Variants in ADPRHL1 observed in about 807,000 individuals in gnomAD.
The protein encoded by ADPRHL1 is ADP-ribosylhydrolase like 1.
In ADPRHL1, 43 loss-of-function variants were observed where a neutral mutation model predicts 44.1. The observed-to-expected ratio is 0.98, with a 90% CI of 0.76 to 1.26. The LOEUF is 1.26. Among genes scored for constraint, ADPRHL1 ranks in the 50% most tolerant of loss-of-function variants. The probability of loss-of-function intolerance (pLI) is 0.00; values close to 1 mark genes in which losing one functional copy is unlikely to be tolerated. For synonymous variants in ADPRHL1, 878 were observed against 1,017.4 expected (o/e 0.86, Z 2.61); for missense variants, 2,022 against 2,496.9 (o/e 0.81, Z 4.05).
intron 1 of ADPRHL1, among the ~76,000 whole-genome samples, chr13:113,445,483 A>G (rs1256581048): frequency 6.6e-6 from 1 of 152,144 alleles, no homozygotes; most frequent in Non-Finnish European, 1.5e-5. Context: ...GCCCCTCCCA[A>G]CGGCCACTTT....
At chr13:113,430,378 C>G (rs780648053) in intron 3 of ADPRHL1, among the ~76,000 whole-genome samples, 6 of 152,214 alleles carry the variant, frequency 3.9e-5, no homozygotes, top group Non-Finnish European at 7.3e-5. Flanking sequence ...TGCTAGCCAT[C>G]GTGGGGACTG....
At chr13:113,437,957 A>C (rs1000043345) in intron 2 of ADPRHL1, among the ~76,000 whole-genome samples, 1 of 152,144 alleles carries the variant, frequency 6.6e-6, no homozygotes, top group Non-Finnish European at 1.5e-5. Context: ...CAGCCTCCTG[A>C]GTAGCTGGGA....
Position 113,403,050 on chromosome 13 carries a change from A to G in ADPRHL1, c.*328T>C, listed in dbSNP as rs1430679419. The stretch of plus-strand genomic sequence containing the variant: ...GACGCACACACCGTGCCACTGCGGG[A>G]GGTGTGAGCTCCACGCTGCAGGCTG... On this transcript the variant is annotated 3_prime_UTR_variant, in exon 8 of 8. Transcript: ENST00000612156. 9.9e-6 allele frequency: 2 copies of G among 201,300 alleles called. No individual in the cohort carries two copies. Among genetic ancestry groups the G allele is most frequent in the Non-Finnish European group, 9.9e-6 (1 of 100,978 alleles). 12.5% of individuals were successfully genotyped at this position (201,300 alleles called of 1,614,324 possible). A position where few individuals can be genotyped will look rare whatever the true frequency, so the allele number is the denominator to read the frequency against.
intron 1 of ADPRHL1, among the ~76,000 whole-genome samples, chr13:113,447,946 A>G (rs1477830083): frequency 6.6e-6 from 1 of 152,306 alleles, no homozygotes; most frequent in South Asian, 2.1e-4. Flanking sequence ...GAGTCCCCTA[A>G]AAGGATTCAT....
intron 7 of ADPRHL1, among the ~76,000 whole-genome samples, chr13:113,417,220 G>C (rs951227935): frequency 6.6e-6 from 1 of 152,186 alleles, no homozygotes; most frequent in Non-Finnish European, 1.5e-5. Context: ...ACAAGACAAG[G>C]CTGTCCCCCC....
intron 7 of ADPRHL1, among the ~76,000 whole-genome samples, chr13:113,413,652 G>A (rs971636035): frequency 3.3e-5 from 5 of 152,326 alleles, no homozygotes; most frequent in South Asian, 2.1e-4. Context: ...CTGCCCCTTG[G>A]GCCGTCAGCC....
chr13:113,403,348 C>T lies in ADPRHL1; in HGVS notation c.*30G>A. 1 of 1,231,822 alleles carries T rather than the reference C, an allele frequency of 8.1e-7. No homozygotes were observed. Among genetic ancestry groups the T allele is most frequent in the Non-Finnish European group, 1.0e-6 (1 of 987,856 alleles). 76.3% of individuals were successfully genotyped at this position (1,231,822 alleles called of 1,614,324 possible). ...CCCTCAATGGGCGGATGTCACAGTG[C>T]TGGGCGAGCCACGGTGTGTACTCGG... is the stretch of plus-strand genomic sequence containing the variant. On this transcript the variant is annotated 3_prime_UTR_variant, in exon 8 of 8. Transcript: ENST00000612156.
At chr13:113,419,183 G>A (rs761437214) in intron 7 of ADPRHL1, among the ~76,000 whole-genome samples, 5 of 138,148 alleles carry the variant, frequency 3.6e-5, no homozygotes, top group African/African-American at 1.4e-4. Context: ...CTCACCTCAC[G>A]GCAACCTCAA....
intron 7 of ADPRHL1, among the ~76,000 whole-genome samples, chr13:113,415,295 C>G (rs572537716): frequency 6.6e-6 from 1 of 152,306 alleles, no homozygotes; most frequent in East Asian, 1.9e-4. Context: ...GGTCCCCAAG[C>G]AGAGTGTGGA....
At chr13:113,412,695 C>G (rs112934265) in intron 7 of ADPRHL1, among the ~76,000 whole-genome samples, 1 of 151,102 alleles carries the variant, frequency 6.6e-6, no homozygotes, top group Non-Finnish European at 1.5e-5. Context: ...GTTCACCCAC[C>G]GCCAACAGTG....
intron 1 of ADPRHL1, among the ~76,000 whole-genome samples, chr13:113,450,958 C>CT (rs886888308): frequency 6.6e-6 from 1 of 151,560 alleles, no homozygotes; most frequent in African/African-American, 2.4e-5. Flanking sequence ...GGAGACCCCC[C>CT]CCCCCTTCCT....
chr13:113,419,130 A>T, intron 7 of ADPRHL1, among the ~76,000 whole-genome samples: 2 of 13,226 alleles, frequency 1.5e-4, no homozygotes, highest in African/African-American at 2.8e-4. Context: ...TTTTTTTTTC[A>T]GGGTCTTACT....
At chr13:113,452,911 GA>G (rs1270412171) in intron 1 of ADPRHL1, among the ~76,000 whole-genome samples, 1 of 152,186 alleles carries the variant, frequency 6.6e-6, no homozygotes, top group African/African-American at 2.4e-5. Context: ...AACTCTATTA[GA>G]AACAGAAGGT....
chr13:113,425,684 CTTT>C (rs66812194), intron 4 of ADPRHL1, among the ~76,000 whole-genome samples: 3 of 133,884 alleles, frequency 2.2e-5, no homozygotes, highest in Admixed American at 1.5e-4. Context: ...TTTTTTCTTT[CTTT>C]TTTTTTTTTT....
chr13:113,425,523 C>T (rs575673709), intron 4 of ADPRHL1, among the ~76,000 whole-genome samples: 37 of 152,230 alleles, frequency 2.4e-4, no homozygotes, highest in Admixed American at 2.1e-3. Flanking sequence ...AGCTGCCCAC[C>T]ACCACACCCG....
rs2043757987 is a variant in ADPRHL1 at position 113,401,071 on chromosome 13, A to G, written c.*2307T>C. 1 of 152,158 alleles carries G rather than the reference A, an allele frequency of 6.6e-6. No individual in the cohort carries two copies. The highest frequency in any genetic ancestry group is 2.1e-4 in the South Asian group (1 of 4,828). The allele number at this position is 152,158 out of a possible 1,614,324, so 9.4% of individuals were successfully genotyped here. A position where few individuals can be genotyped will look rare whatever the true frequency, so the allele number is the denominator to read the frequency against. ...CATGTTCTTGCCACTCATTGCCTCCAATTCCAAATAGGTAAAGAGTGAGGG... is the reference window on the plus strand; with the variant it reads ...CATGTTCTTGCCACTCATTGCCTCCGATTCCAAATAGGTAAAGAGTGAGGG... On this transcript the variant is annotated 3_prime_UTR_variant, in exon 8 of 8. Coordinates refer to ENST00000612156, the MANE Select transcript of ADPRHL1 (RefSeq NM_001394807.1). This position sits in a 1 kb window ranked among gnomAD's most constrained non-coding sequence, Gnocchi z 5.5.
chr13:113,435,553 C>T (rs1174010846), intron 2 of ADPRHL1, among the ~76,000 whole-genome samples: 2 of 13,118 alleles, frequency 1.5e-4, no homozygotes, highest in East Asian at 3.1e-3. Flanking sequence ...AGGTGTACCC[C>T]GGGACCCAGC....
intron 7 of ADPRHL1, among the ~76,000 whole-genome samples, chr13:113,415,839 T>A (rs1220911991): frequency 6.6e-6 from 1 of 150,620 alleles, no homozygotes; most frequent in East Asian, 1.9e-4. Flanking sequence ...ATAACACAGA[T>A]CCCTTTAATT....
chr13:113,440,973 C>G (rs1465456385), intron 2 of ADPRHL1, among the ~76,000 whole-genome samples: 1 of 151,942 alleles, frequency 6.6e-6, no homozygotes, highest in African/African-American at 2.4e-5. Context: ...GCCAACATGG[C>G]AAAACCTTGT....
Sources: allele counts gnomAD v4.1 joint callset (sites outside exome capture counted in the v4.1 genomes callset), GRCh38; gene constraint gnomAD v4.1.1; non-coding constraint Gnocchi (gnomAD v3.1); transcripts MANE v1.5; gene names NCBI Gene and HGNC (gene_info 2026-07-23, HGNC 2026-07-21).